Variants in ZFAND4 observed in about 807,000 individuals in gnomAD.
ZFAND4 encodes zinc finger AN1-type containing 4.
ZFAND4 carries 43 observed loss-of-function variants against 64.4 expected under a neutral mutation model. The observed-to-expected ratio is 0.67, with a 90% CI of 0.52 to 0.86. The LOEUF (loss-of-function observed/expected upper bound fraction) is 0.86. ZFAND4 is among the 40% of genes least tolerant of loss of function. ZFAND4 has a pLI of 0.00. For missense variants in ZFAND4, 929 were observed against 859.8 expected (o/e 1.08, Z -1.01); for synonymous variants, 296 against 305.7 (o/e 0.97, Z 0.33).
chr10:45,640,026 C>T, intron 5 of ZFAND4, 63 bp from the exon 6 acceptor site: 1 of 1,515,998 alleles, frequency 6.6e-7, no homozygotes. Flanking sequence ...TAAAAATGCT[C>T]TATATGAAAC....
intron 8 of ZFAND4, among the ~76,000 whole-genome samples, chr10:45,619,246 G>A (rs2045238820): frequency 6.7e-6 from 1 of 148,502 alleles, no homozygotes; most frequent in African/African-American, 2.5e-5. Context: ...TCACCATCTT[G>A]GTCAGTCTGG....
intron 9 of ZFAND4, 175 bp downstream of exon 9, chr10:45,617,965 C>T (rs2045124316): frequency 3.6e-6 from 2 of 562,196 alleles, no homozygotes; most frequent in Non-Finnish European, 5.8e-6. Flanking sequence ...TTTGGAAACC[C>T]ATGAGCTATC....
chr10:45,617,338 G>C (rs1472989078), intron 9 of ZFAND4, among the ~76,000 whole-genome samples: 1 of 151,728 alleles, frequency 6.6e-6, no homozygotes. Flanking sequence ...AAAAAGCAGG[G>C]ATTGGGATGG....
chr10:45,656,950 G>A (rs989208884), intron 2 of ZFAND4, among the ~76,000 whole-genome samples: 2 of 151,932 alleles, frequency 1.3e-5, no homozygotes, highest in Non-Finnish European at 2.9e-5. Flanking sequence ...CTCCAGAACC[G>A]TGAGAAATAA....
At chr10:45,632,791 T>C (rs1386303044) in intron 6 of ZFAND4, among the ~76,000 whole-genome samples, 2 of 152,132 alleles carry the variant, frequency 1.3e-5, no homozygotes, top group African/African-American at 4.8e-5. Context: ...GTCATATCAA[T>C]AAATATAAAC....
chr10:45,646,626 G>A (rs2047402684), intron 5 of ZFAND4, among the ~76,000 whole-genome samples: 1 of 152,126 alleles, frequency 6.6e-6, no homozygotes, highest in Admixed American at 6.6e-5. Flanking sequence ...TCAAGCAAAG[G>A]AGAAAAGATG....
chr10:45,631,381 A>T (rs184467706), intron 6 of ZFAND4, among the ~76,000 whole-genome samples: 2,540 of 150,764 alleles, frequency 0.017, 36 homozygotes, highest in Non-Finnish European at 0.026. Flanking sequence ...AAAAAAAAAA[A>T]ACATATAAAT....
At chr10:45,657,527 T>C (rs1044083485) in intron 2 of ZFAND4, among the ~76,000 whole-genome samples, 1 of 152,220 alleles carries the variant, frequency 6.6e-6, no homozygotes, top group African/African-American at 2.4e-5. Flanking sequence ...GGAAAATAAT[T>C]TAGCAGTTTT....
At chr10:45,646,392 T>A (rs936178056) in intron 5 of ZFAND4, among the ~76,000 whole-genome samples, 3 of 152,208 alleles carry the variant, frequency 2.0e-5, no homozygotes, top group Non-Finnish European at 4.4e-5. Flanking sequence ...TAAATGTTCT[T>A]CATGGTATGA....
At chr10:45,621,324 C>A (rs1257432090) in intron 8 of ZFAND4, among the ~76,000 whole-genome samples, 1 of 150,942 alleles carries the variant, frequency 6.6e-6, no homozygotes, top group Non-Finnish European at 1.5e-5. Context: ...AAAATGGAAG[C>A]AAGTTACACA....
intron 5 of ZFAND4, 96 bp from the exon 6 acceptor site, chr10:45,640,059 T>C (rs2046880481): frequency 7.2e-6 from 10 of 1,386,572 alleles, no homozygotes; most frequent in South Asian, 1.5e-5. Flanking sequence ...AAGTTACTAA[T>C]GATAAAACAC....
At chr10:45,672,780 T>A (rs2049298325), upstream of ZFAND4, 1 of 152,304 alleles carries the variant, frequency 6.6e-6, no homozygotes, top group Non-Finnish European at 1.5e-5. Context: ...AACGCTCCGC[T>A]GCCGCCGCGC....
intron 5 of ZFAND4, chr10:45,640,489 C>A: frequency 1.8e-6 from 2 of 1,112,764 alleles, no homozygotes; most frequent in Non-Finnish European, 2.3e-6. Context: ...TCTTAAGGAG[C>A]AAAAAACATT....
At position 45,663,401 on chromosome 10, in the gene ZFAND4, G is replaced by A. The variant is rs1303012103; in HGVS notation, c.184+141C>T. 11 of 604,692 alleles carry A rather than the reference G, an allele frequency of 1.8e-5. No homozygotes were observed. In the African/African-American group the frequency reaches 1.9e-4, roughly 11 times the overall value. 37.5% of individuals were successfully genotyped at this position (604,692 alleles called of 1,614,324 possible). On this transcript the variant is annotated intron_variant, in intron 2 of 9. Transcript: ENST00000344646. Reference sequence around the variant, plus strand: ...CATAAGCTGATAAATGTTGGAGAGAGGGAGTAGGAGGGGGTTCATTATCTT... The same window carrying A: ...CATAAGCTGATAAATGTTGGAGAGAAGGAGTAGGAGGGGGTTCATTATCTT...
At chr10:45,665,773 A>G (rs1192327445) in intron 1 of ZFAND4, among the ~76,000 whole-genome samples, 1 of 152,168 alleles carries the variant, frequency 6.6e-6, no homozygotes, top group East Asian at 1.9e-4. Flanking sequence ...TCTACTTTCT[A>G]TCTCCAAATT....
intron 6 of ZFAND4, among the ~76,000 whole-genome samples, chr10:45,635,903 T>A (rs2046565400): frequency 6.6e-6 from 1 of 152,102 alleles, no homozygotes; most frequent in South Asian, 2.1e-4. Flanking sequence ...AAAAATAAAA[T>A]TTAAAAAATT....
chr10:45,652,260 G>A (rs1329714647), intron 3 of ZFAND4, among the ~76,000 whole-genome samples: 3 of 152,060 alleles, frequency 2.0e-5, no homozygotes, highest in Non-Finnish European at 2.9e-5. Context: ...TAAACATACT[G>A]GAAAAGACCT....
rs1028008124 is a variant in ZFAND4 at position 45,630,435 on chromosome 10, C to T, written c.718-3330G>A. On this transcript the variant is annotated intron_variant, in intron 6 of 9. Coordinates refer to ENST00000344646, the MANE Select transcript of ZFAND4 (RefSeq NM_174890.4). ...TCTACTTAATATTTAATAAAGAATA[C>T]TGAGAAAAGGTATAGGCCGGGTGCG... Among the ~76,000 whole-genome samples, 5 of 152,070 alleles carry T rather than the reference C, an allele frequency of 3.3e-5. 1 individual carries two copies. The highest frequency in any genetic ancestry group is 1.2e-4 in the African/African-American group (5 of 41,414).
At chr10:45,667,276 A>G (rs1452916449) in intron 1 of ZFAND4, among the ~76,000 whole-genome samples, 3 of 152,140 alleles carry the variant, frequency 2.0e-5, no homozygotes, top group Non-Finnish European at 2.9e-5. Flanking sequence ...GCTGGTTTAT[A>G]GAAACACAAC....
Sources: allele counts gnomAD v4.1 joint callset (sites outside exome capture counted in the v4.1 genomes callset), GRCh38; gene constraint gnomAD v4.1.1; transcripts MANE v1.5; gene names NCBI Gene and HGNC (gene_info 2026-07-23, HGNC 2026-07-21).